TMEM132C: variants seen among roughly 807,000 people sequenced by gnomAD.
The protein encoded by TMEM132C is transmembrane protein 132C.
Under a neutral mutation model 61.4 loss-of-function variants are expected in TMEM132C, and 29 were observed. The observed-to-expected ratio is 0.47, with a 90% CI of 0.35 to 0.64. The LOEUF is 0.64. TMEM132C is among the 30% of genes least tolerant of loss of function. The pLI, the probability that TMEM132C is intolerant of heterozygous loss-of-function variation, is 0.00. For missense variants in TMEM132C, 1,408 were observed against 1,476.9 expected, an observed-to-expected ratio of 0.95 and a Z score of 0.76; for synonymous variants, 656 against 633.1, an observed-to-expected ratio of 1.04 and a Z score of -0.54.
At chr12:128,391,379 C>T (rs776915830) in intron 1 of TMEM132C, among the ~76,000 whole-genome samples, 24 of 152,254 alleles carry the variant, frequency 1.6e-4, no homozygotes, top group Non-Finnish European at 3.2e-4. Context: ...ATGGAAGAGG[C>T]GTCCCTGACT....
chr12:128,543,932 C>T, intron 2 of TMEM132C, 25 bp from the exon 3 acceptor site: 3 of 1,541,852 alleles, frequency 1.9e-6, no homozygotes, highest in Non-Finnish European at 2.6e-6. Context: ...CTGTCTCTCT[C>T]TCTCTCCCAT....
At chr12:128,342,165 C>T (rs564648528) in intron 1 of TMEM132C, among the ~76,000 whole-genome samples, 11 of 152,034 alleles carry the variant, frequency 7.2e-5, no homozygotes, top group Non-Finnish European at 1.3e-4. Flanking sequence ...CACAACACCA[C>T]GCCCGGCTAA....
intron 2 of TMEM132C, among the ~76,000 whole-genome samples, chr12:128,419,362 A>G (rs1192885928): frequency 6.6e-6 from 1 of 152,006 alleles, no homozygotes; most frequent in African/African-American, 2.4e-5. Context: ...TGAACAGCAA[A>G]CTCTCTAGGA....
At chr12:128,657,868 G>A (rs1470821055) in intron 4 of TMEM132C, among the ~76,000 whole-genome samples, 2 of 152,216 alleles carry the variant, frequency 1.3e-5, no homozygotes, top group Non-Finnish European at 2.9e-5. Context: ...GGATGGGGTT[G>A]GGGTGGTGGA....
Position 128,594,010 on chromosome 12 carries a change from T to C in TMEM132C, c.1122-22142T>C, listed in dbSNP as rs77045297. On this transcript the variant is annotated intron_variant, in intron 3 of 8. Transcript: ENST00000435159. ...TCCTTCTGTACCCCAACATAAGACC[T>C]GCTCTCAATGCCGGCCCACCCACCG... is the stretch of plus-strand genomic sequence containing the variant. Among the ~76,000 whole-genome samples, 937 of 151,748 alleles carry C rather than the reference T, an allele frequency of 6.2e-3. 11 individuals are homozygous for C. The highest frequency in any genetic ancestry group is 0.021 in the African/African-American group (875 of 41,296).
In TMEM132C at chr12:128,546,982, G is replaced by A. The variant is rs187666491; in HGVS notation, c.1121+2879G>A. Among the ~76,000 whole-genome samples, 453 of 152,272 alleles carry A rather than the reference G, an allele frequency of 3.0e-3. 9 individuals are homozygous for A. Among genetic ancestry groups the A allele is most frequent in the East Asian group, 5.8e-4 (3 of 5,164 alleles). On this transcript the variant is annotated intron_variant, in intron 3 of 8. Coordinates refer to ENST00000435159, the MANE Select transcript of TMEM132C (RefSeq NM_001136103.3). Reference sequence around the variant, plus strand: ...TGAAATGCTGGGTTTGGACACCTTGGGGTACCGAGGTCAGGCCAGCGAGTG... The same window carrying A: ...TGAAATGCTGGGTTTGGACACCTTGAGGTACCGAGGTCAGGCCAGCGAGTG...
intron 4 of TMEM132C, among the ~76,000 whole-genome samples, chr12:128,664,154 G>A (rs1347844123): frequency 7.6e-5 from 6 of 78,630 alleles, no homozygotes; most frequent in South Asian, 4.0e-4. Flanking sequence ...ACACACACAT[G>A]CGCACAGGCA....
Position 128,683,195 on chromosome 12 carries a change from A to C in TMEM132C, c.1450-10634A>C, listed in dbSNP as rs368508358. Among the ~76,000 whole-genome samples the C allele has an allele frequency of 3.5e-4, 53 of 152,152 alleles. No homozygotes were observed. The South Asian group carries it at 0.01, about 30-fold the overall frequency. Reference sequence around the variant, plus strand: ...CCTTGTAAACACCCTTCTGGGGCTAATATGTTCTGTCTGCCCGGCCCTCTA... The same window carrying C: ...CCTTGTAAACACCCTTCTGGGGCTACTATGTTCTGTCTGCCCGGCCCTCTA... On this transcript the variant is annotated intron_variant, in intron 5 of 8. Transcript: ENST00000435159.
chr12:128,480,129 G>A (rs1418754494), intron 2 of TMEM132C, among the ~76,000 whole-genome samples: 1 of 152,168 alleles, frequency 6.6e-6, no homozygotes, highest in African/African-American at 2.4e-5. Context: ...CTTGGGTAGT[G>A]TGTGTCTGTG....
At position 128,498,843 on chromosome 12, in the gene TMEM132C, T is replaced by TA. The variant is rs201040252; in HGVS notation, c.975-45105dup. Among the ~76,000 whole-genome samples the TA allele has an allele frequency of 1.3e-3, 189 of 150,840 alleles. 1 individual carries two copies. The highest frequency in any genetic ancestry group is 2.1e-3 in the Non-Finnish European group (143 of 67,668). On this transcript the variant is annotated intron_variant, in intron 2 of 8. Transcript: ENST00000435159. ...AACGGAAGACTTGTACCCTGAAAAC[T>TA]AAAAAAAAACTGTTGAAAGAAATAA...
chr12:128,401,944 G>A (rs1172454344), intron 1 of TMEM132C, among the ~76,000 whole-genome samples: 1 of 152,144 alleles, frequency 6.6e-6, no homozygotes, highest in African/African-American at 2.4e-5. Context: ...CTGCAAATAT[G>A]TGACCTGCAT....
chr12:128,550,349 C>G (rs1367745354), intron 3 of TMEM132C, among the ~76,000 whole-genome samples: 1 of 151,778 alleles, frequency 6.6e-6, no homozygotes. Context: ...GTCACCCAGC[C>G]TGGGGTGCAG....
At chr12:128,468,262 G>C (rs900575674) in intron 2 of TMEM132C, among the ~76,000 whole-genome samples, 103 of 152,148 alleles carry the variant, frequency 6.8e-4, no homozygotes, top group African/African-American at 2.4e-3. Flanking sequence ...GAGGGCAGGG[G>C]GCTTAGACTT....
intron 2 of TMEM132C, among the ~76,000 whole-genome samples, chr12:128,447,527 G>T (rs1472553853): frequency 6.6e-6 from 1 of 152,022 alleles, no homozygotes; most frequent in Non-Finnish European, 1.5e-5. Flanking sequence ...CTTCAGGGAG[G>T]GGAAAATAGA....
intron 1 of TMEM132C, among the ~76,000 whole-genome samples, chr12:128,407,927 T>A (rs1488356959): frequency 6.8e-6 from 1 of 146,950 alleles, no homozygotes; most frequent in African/African-American, 2.5e-5. Context: ...CATATCTAGA[T>A]CAACAGGTCT....
chr12:128,515,008 AG>A (rs1296086256), intron 2 of TMEM132C, among the ~76,000 whole-genome samples: 2 of 152,250 alleles, frequency 1.3e-5, no homozygotes, highest in African/African-American at 4.8e-5. Flanking sequence ...CAATGCTAAG[AG>A]TCTGGACACG....
At chr12:128,419,652 A>G (rs1490966635) in intron 2 of TMEM132C, among the ~76,000 whole-genome samples, 2 of 151,476 alleles carry the variant, frequency 1.3e-5, no homozygotes, top group Admixed American at 1.3e-4. Context: ...GGAATTTTAG[A>G]ACTTTGTTCT....
chr12:128,581,913 A>G (rs527973849), intron 3 of TMEM132C, among the ~76,000 whole-genome samples: 2 of 152,320 alleles, frequency 1.3e-5, no homozygotes, highest in South Asian at 4.1e-4. Context: ...GCCAGACTCC[A>G]GCTTAGAAGA....
intron 3 of TMEM132C, among the ~76,000 whole-genome samples, chr12:128,547,519 G>A (rs1404891564): frequency 8.9e-5 from 13 of 146,400 alleles, no homozygotes; most frequent in Admixed American, 1.4e-4. Flanking sequence ...AGCTCAGATC[G>A]CACCACCATA....
Sources: allele counts gnomAD v4.1 joint callset (sites outside exome capture counted in the v4.1 genomes callset), GRCh38; gene constraint gnomAD v4.1.1; transcripts MANE v1.5; gene names NCBI Gene and HGNC (gene_info 2026-07-23, HGNC 2026-07-21).